The following KCNAB1 variants were observed in gnomAD, a reference collection of about 807,000 sequenced individuals.
KCNAB1 encodes potassium voltage-gated channel subfamily A regulatory beta subunit 1.
A neutral mutation model predicts 64.6 loss-of-function variants in KCNAB1; 35 were observed. The ratio of observed to expected loss-of-function variants is 0.54; its 90% CI spans 0.41 to 0.72. The LOEUF (loss-of-function observed/expected upper bound fraction) is 0.72. Among genes scored for constraint, KCNAB1 ranks in the 30% least tolerant of loss-of-function variants. The pLI, the probability that KCNAB1 is intolerant of heterozygous loss-of-function variation, is 0.00. For missense variants in KCNAB1, 401 were observed against 512.9 expected, an observed-to-expected ratio of 0.78 and a Z score of 2.11; for synonymous variants, 177 against 183.8, an observed-to-expected ratio of 0.96 and a Z score of 0.30.
intron 1 of KCNAB1, among the ~76,000 whole-genome samples, chr3:156,331,298 C>G (rs1296550747): frequency 6.6e-6 from 1 of 152,152 alleles, no homozygotes; most frequent in African/African-American, 2.4e-5. Context: ...TCAGACACAA[C>G]TAATGAAGAG....
intron 1 of KCNAB1, among the ~76,000 whole-genome samples, chr3:156,381,560 G>A (rs1267998817): frequency 6.6e-6 from 1 of 152,218 alleles, no homozygotes; most frequent in Non-Finnish European, 1.5e-5. Context: ...CTTATCACAA[G>A]TTTCTTTAAT....
intron 2 of KCNAB1, among the ~76,000 whole-genome samples, chr3:156,423,245 T>A (rs1394206338): frequency 6.6e-6 from 1 of 152,208 alleles, no homozygotes. Flanking sequence ...CACATATTTA[T>A]ACACTTATGG....
chr3:156,178,522 G>A (rs879525112), intron 1 of KCNAB1, among the ~76,000 whole-genome samples: 16 of 152,056 alleles, frequency 1.1e-4, no homozygotes, highest in Non-Finnish European at 2.2e-4. Context: ...TTGAAGAAAG[G>A]GAGCAGAGCC....
At position 156,265,510 on chromosome 3, in the gene KCNAB1, A is replaced by T. The variant is rs188526984; in HGVS notation, c.275+144624A>T. Among the ~76,000 whole-genome samples the T allele has an allele frequency of 6.6e-5, 10 of 152,208 alleles. No homozygotes were observed. In the East Asian group the frequency reaches 1.2e-3, roughly 18 times the overall value. ...GTGATCCTTTCATGTGGATTCTTTC[A>T]TGTGGACGTGATTCTCCATACCTGA... On this transcript the variant is annotated intron_variant, in intron 1 of 13. Transcript: ENST00000490337.
intron 7 of KCNAB1, among the ~76,000 whole-genome samples, chr3:156,468,005 A>G (rs904238765): frequency 6.6e-6 from 1 of 152,068 alleles, no homozygotes; most frequent in Non-Finnish European, 1.5e-5. Flanking sequence ...TGTCTTGGTC[A>G]TAATACTTTG....
Position 156,515,215 on chromosome 3 carries a change from A to G in KCNAB1, c.860A>G (p.Lys287Arg), listed in dbSNP as rs778137048. The G allele has an allele frequency of 4.1e-5, 66 of 1,607,370 alleles. 1 individual carries two copies. The South Asian group carries it at 7.0e-4, about 17-fold the overall frequency. The part of the protein sequence containing the change: ...VEVQLPELYH[K>R]IGVGAMTWSP... The stretch of plus-strand genomic sequence containing the variant: ...GTCCAGCTGCCAGAGCTCTACCACA[A>G]AATAGGTAATCTTCAAAATAAAAGC... The change falls in exon 10 of 14, where the codon AAA becomes AGA. Residue 287 changes from lysine (K) to arginine (R), a missense_variant. Coordinates refer to ENST00000490337, the MANE Select transcript of KCNAB1 (RefSeq NM_172160.3).
At chr3:156,415,713 C>T (rs1411334486) in intron 1 of KCNAB1, among the ~76,000 whole-genome samples, 1 of 152,184 alleles carries the variant, frequency 6.6e-6, no homozygotes, top group Non-Finnish European at 1.5e-5. Context: ...TTTGCCGATG[C>T]AGCTTCCTCT....
intron 1 of KCNAB1, among the ~76,000 whole-genome samples, chr3:156,340,566 C>T (rs1481897144): frequency 6.6e-6 from 1 of 152,198 alleles, no homozygotes; most frequent in African/African-American, 2.4e-5. Context: ...ACCCATCCTT[C>T]CTAACCCATC....
In KCNAB1 at chr3:156,368,509, C is replaced by G. The variant is rs190511674; in HGVS notation, c.276-53107C>G. Among the ~76,000 whole-genome samples the G allele has an allele frequency of 2.0e-5, 3 of 152,304 alleles. No individual in the cohort carries two copies. In the East Asian group the frequency reaches 5.8e-4, roughly 29 times the overall value. ...GTGCAATCATAGCTCACTGCAGCCTCAAACTCCTGGGCTTAAGCAATTCCC... is the reference window on the plus strand; with the variant it reads ...GTGCAATCATAGCTCACTGCAGCCTGAAACTCCTGGGCTTAAGCAATTCCC... On this transcript the variant is annotated intron_variant, in intron 1 of 13. Coordinates refer to ENST00000490337, the MANE Select transcript of KCNAB1 (RefSeq NM_172160.3).
At chr3:156,309,661 G>A (rs186019140) in intron 1 of KCNAB1, among the ~76,000 whole-genome samples, 1 of 152,340 alleles carries the variant, frequency 6.6e-6, no homozygotes, top group Non-Finnish European at 1.5e-5. Context: ...CAAACGGAAT[G>A]TTACAAACCA....
intron 1 of KCNAB1, among the ~76,000 whole-genome samples, chr3:156,320,858 G>A (rs1219035582): frequency 1.3e-5 from 2 of 151,798 alleles, no homozygotes; most frequent in Admixed American, 6.6e-5. Context: ...AATAATAATG[G>A]CAGAATAAGT....
intron 6 of KCNAB1, 150 bp downstream of exon 6, chr3:156,463,896 A>C: frequency 3.5e-6 from 2 of 565,880 alleles, no homozygotes; most frequent in Non-Finnish European, 6.1e-6. Context: ...CACTAAGGAA[A>C]TAGCAATTAG....
At chr3:156,415,529 C>G (rs1435927907) in intron 1 of KCNAB1, among the ~76,000 whole-genome samples, 1 of 152,046 alleles carries the variant, frequency 6.6e-6, no homozygotes, top group Non-Finnish European at 1.5e-5. Flanking sequence ...ACAGCCATCC[C>G]CACAAAGCTG....
At chr3:156,369,791 C>G (rs1726184409) in intron 1 of KCNAB1, among the ~76,000 whole-genome samples, 1 of 152,196 alleles carries the variant, frequency 6.6e-6, no homozygotes, top group Non-Finnish European at 1.5e-5. Flanking sequence ...TTTCTTCTAA[C>G]ATAAAATGCA....
chr3:156,185,793 A>T (rs922699667), intron 1 of KCNAB1, among the ~76,000 whole-genome samples: 1 of 151,916 alleles, frequency 6.6e-6, no homozygotes, highest in Non-Finnish European at 1.5e-5. Context: ...TTCATCTTCT[A>T]TTTTTAAAAA....
intron 1 of KCNAB1, among the ~76,000 whole-genome samples, chr3:156,137,789 C>G (rs1714451856): frequency 1.3e-5 from 2 of 151,398 alleles, no homozygotes; most frequent in South Asian, 4.2e-4. Context: ...CTCCTGACCT[C>G]AGATGATCCA....
intron 1 of KCNAB1, among the ~76,000 whole-genome samples, chr3:156,409,115 T>C (rs17238588): frequency 0.015 from 2,321 of 152,298 alleles, 25 homozygotes; most frequent in South Asian, 0.033. Context: ...TATATGTTGA[T>C]ACTAAAGTTG....
At chr3:156,127,295 G>A (rs1293943104) in intron 1 of KCNAB1, among the ~76,000 whole-genome samples, 4 of 152,064 alleles carry the variant, frequency 2.6e-5, no homozygotes. Context: ...TTTTGTTGTT[G>A]AAGAGAAAGC....
intron 1 of KCNAB1, among the ~76,000 whole-genome samples, chr3:156,188,033 A>C (rs942259259): frequency 1.3e-5 from 2 of 148,680 alleles, no homozygotes; most frequent in African/African-American, 5.0e-5. Flanking sequence ...AGAGCAATAC[A>C]CCATTCATTC....
Sources: gnomAD v4.1 joint callset for allele counts (sites outside exome capture counted in the v4.1 genomes callset) on GRCh38, gnomAD v4.1.1 for gene constraint, MANE v1.5 for transcripts, NCBI Gene and HGNC (gene_info 2026-07-23, HGNC 2026-07-21) for gene names.